VWA8: variants seen among roughly 807,000 people sequenced by gnomAD.
VWA8 encodes von Willebrand factor A domain-containing protein 8.
Under a neutral mutation model 241.5 loss-of-function variants are expected in VWA8, and 221 were observed. The ratio of observed to expected loss-of-function variants is 0.91; its 90% CI spans 0.82 to 1.02. VWA8 has a LOEUF of 1.02. VWA8 is among the 50% of genes least tolerant of loss of function. The probability of loss-of-function intolerance (pLI) is 0.00; values close to 1 mark genes in which losing one functional copy is unlikely to be tolerated. For synonymous variants in VWA8, 852 were observed against 827.1 expected (o/e 1.03, Z -0.52); for missense variants, 2,322 against 2,328.7 (o/e 1.00, Z 0.06).
intron 15 of VWA8, 44 bp from the exon 16 acceptor site, chr13:41,816,819 G>A (rs774499869): frequency 7.1e-7 from 1 of 1,414,470 alleles, no homozygotes; most frequent in Non-Finnish European, 9.9e-7. Context: ...GAATAAATCG[G>A]GATATCTGAT....
intron 42 of VWA8, among the ~76,000 whole-genome samples, chr13:41,585,981 T>C (rs1013568932): frequency 4.0e-5 from 6 of 151,780 alleles, no homozygotes; most frequent in Admixed American, 1.3e-4. Flanking sequence ...GATCCAAATA[T>C]TGGCAACTCT....
intron 5 of VWA8, among the ~76,000 whole-genome samples, chr13:41,888,704 C>T (rs565334338): frequency 2.6e-5 from 4 of 152,294 alleles, no homozygotes; most frequent in African/African-American, 9.6e-5. Context: ...TTTATTTGTG[C>T]ATTTGCTTCT....
At chr13:41,761,914 G>A (rs564487427) in intron 20 of VWA8, among the ~76,000 whole-genome samples, 410 of 152,076 alleles carry the variant, frequency 2.7e-3, no homozygotes, top group African/African-American at 8.3e-3. Context: ...TATAATTAAT[G>A]GGGTGTAAAT....
Position 41,755,467 on chromosome 13 carries a change from T to A in VWA8, c.2426+5661A>T, listed in dbSNP as rs1391707081. Among the ~76,000 whole-genome samples, 2 of 152,134 alleles carry A rather than the reference T, an allele frequency of 1.3e-5. 1 individual carries two copies. Among genetic ancestry groups the A allele is most frequent in the South Asian group, 4.1e-4 (2 of 4,830 alleles). ...CAATCAATAATATAGTAATGGGTAC[T>A]ATAAAATATAAATATTTAGCTTTGA... On this transcript the variant is annotated intron_variant, in intron 21 of 44. Coordinates refer to ENST00000379310, the MANE Select transcript of VWA8 (RefSeq NM_015058.2).
At chr13:41,845,333 G>A (rs975742018) in intron 12 of VWA8, among the ~76,000 whole-genome samples, 1 of 152,026 alleles carries the variant, frequency 6.6e-6, no homozygotes. Context: ...AAATGCTGGC[G>A]AGATTGTGGA....
chr13:41,947,009 C>T (rs762163144), intron 2 of VWA8, among the ~76,000 whole-genome samples: 4 of 152,186 alleles, frequency 2.6e-5, no homozygotes, highest in Non-Finnish European at 5.9e-5. Context: ...CTGTCGTCAG[C>T]AAGAATTTTG....
At chr13:41,923,271 A>C (rs894242005) in intron 2 of VWA8, among the ~76,000 whole-genome samples, 6 of 151,510 alleles carry the variant, frequency 4.0e-5, no homozygotes, top group African/African-American at 1.5e-4. Flanking sequence ...AACATCACAC[A>C]CCGGGGCTTG....
intron 8 of VWA8, among the ~76,000 whole-genome samples, chr13:41,883,854 T>C (rs1181243113): frequency 2.0e-5 from 3 of 152,208 alleles, no homozygotes; most frequent in Non-Finnish European, 4.4e-5. Context: ...GTCTCTACCT[T>C]ATTCATCCCA....
intron 29 of VWA8, among the ~76,000 whole-genome samples, chr13:41,697,889 A>C (rs1469494415): frequency 6.6e-6 from 1 of 151,288 alleles, no homozygotes; most frequent in Non-Finnish European, 1.5e-5. Flanking sequence ...ACCTCCTCCT[A>C]CTTCCCTCTT....
At chr13:41,836,429 C>T (rs1871732139) in intron 12 of VWA8, among the ~76,000 whole-genome samples, 1 of 151,986 alleles carries the variant, frequency 6.6e-6, no homozygotes, top group South Asian at 2.1e-4. Flanking sequence ...TTTGCTTGGG[C>T]CCAGGAAAAG....
intron 20 of VWA8, among the ~76,000 whole-genome samples, chr13:41,774,275 G>A (rs1244855181): frequency 6.6e-6 from 1 of 152,146 alleles, no homozygotes; most frequent in Non-Finnish European, 1.5e-5. Flanking sequence ...AAGTAGATGG[G>A]ACTGCAAGCG....
At chr13:41,778,869 T>G (rs1232115607) in intron 19 of VWA8, among the ~76,000 whole-genome samples, 2 of 125,150 alleles carry the variant, frequency 1.6e-5, no homozygotes, top group African/African-American at 3.1e-5. Flanking sequence ...TGAGGCGGAG[T>G]CTTACTCTAT....
chr13:41,758,431 C>T (rs865986590), intron 21 of VWA8, among the ~76,000 whole-genome samples: 470 of 36,438 alleles, frequency 0.013, 38 homozygotes, highest in East Asian at 0.027. Flanking sequence ...TATATATATA[C>T]GCTAGTATAT....
chr13:41,818,318 C>A (rs1870789378), intron 15 of VWA8, among the ~76,000 whole-genome samples: 1 of 79,928 alleles, frequency 1.3e-5, no homozygotes, highest in Non-Finnish European at 2.8e-5. Flanking sequence ...TGCCTGTAAT[C>A]CCAGCACTTT....
chr13:41,629,089 C>A (rs1271034564), intron 37 of VWA8, among the ~76,000 whole-genome samples: 1 of 151,486 alleles, frequency 6.6e-6, no homozygotes, highest in Non-Finnish European at 1.5e-5. Flanking sequence ...AACGGGGGGA[C>A]AACAAACACC....
intron 24 of VWA8, 135 bp from the exon 25 acceptor site, chr13:41,721,710 A>T (rs2045393812): frequency 1.2e-6 from 1 of 847,790 alleles, no homozygotes. Flanking sequence ...ATAGGATGGT[A>T]CAGAGAAGAA....
In VWA8 at chr13:41,761,549, C is replaced by A. The variant is rs116957736; in HGVS notation, c.2350-345G>T. On this transcript the variant is annotated intron_variant, in intron 20 of 44. Coordinates refer to ENST00000379310, the MANE Select transcript of VWA8 (RefSeq NM_015058.2). The stretch of plus-strand genomic sequence containing the variant: ...TAACTATTTCAGATTTGAAGAATGT[C>A]ATCAAAGGTGATCAAGTAAGTATAA... Among the ~76,000 whole-genome samples the A allele has an allele frequency of 4.9e-4, 74 of 152,178 alleles. 1 individual carries two copies. In the East Asian group the frequency reaches 7.9e-3, roughly 16 times the overall value.
intron 7 of VWA8, 118 bp from the exon 8 acceptor site, chr13:41,886,146 T>C (rs919381752): frequency 7.1e-6 from 5 of 703,576 alleles, no homozygotes; most frequent in African/African-American, 3.7e-5. Flanking sequence ...ATATTAATTC[T>C]TAAGGAACAA....
intron 37 of VWA8, among the ~76,000 whole-genome samples, chr13:41,660,966 A>T (rs2044945992): frequency 6.6e-6 from 1 of 151,954 alleles, no homozygotes. Flanking sequence ...CCCGGGTTCA[A>T]GCGATTCTCC....
Sources: gnomAD v4.1 joint callset for allele counts (sites outside exome capture counted in the v4.1 genomes callset) on GRCh38, gnomAD v4.1.1 for gene constraint, MANE v1.5 for transcripts, NCBI Gene and HGNC (gene_info 2026-07-23, HGNC 2026-07-21) for gene names.